APBB2: variants seen among roughly 807,000 people sequenced by gnomAD.
APBB2 encodes amyloid beta precursor protein binding family B member 2.
A neutral mutation model predicts 82.5 loss-of-function variants in APBB2; 38 were observed. That is an observed-to-expected ratio of 0.46 (90% CI 0.36 to 0.60). APBB2 has a LOEUF of 0.60. Ranked by LOEUF, APBB2 falls within the 20% of genes least tolerant of loss-of-function variation. The probability of loss-of-function intolerance (pLI) is 0.00; values close to 1 mark genes in which losing one functional copy is unlikely to be tolerated. For synonymous variants in APBB2, 341 were observed against 368.2 expected (o/e 0.93, Z 0.85); for missense variants, 772 against 972.3 (o/e 0.79, Z 2.74).
chr4:41,100,325 A>G (rs1485171012), intron 3 of APBB2, among the ~76,000 whole-genome samples: 1 of 152,252 alleles, frequency 6.6e-6, no homozygotes, highest in Non-Finnish European at 1.5e-5. Context: ...CTTTTCTGTC[A>G]CATCATATTA....
chr4:41,075,854 T>C (rs888720918), intron 3 of APBB2, among the ~76,000 whole-genome samples: 5 of 152,100 alleles, frequency 3.3e-5, no homozygotes, highest in African/African-American at 1.2e-4. Flanking sequence ...ACAGTGAGAG[T>C]AATAATCTCT....
intron 1 of APBB2, among the ~76,000 whole-genome samples, chr4:41,184,775 C>A (rs1426838361): frequency 1.3e-5 from 2 of 152,206 alleles, no homozygotes; most frequent in Non-Finnish European, 2.9e-5. Flanking sequence ...TGCCTGAGGT[C>A]ACATCCTTCC....
intron 12 of APBB2, among the ~76,000 whole-genome samples, chr4:40,873,235 A>T (rs1213148318): frequency 6.6e-6 from 1 of 152,156 alleles, no homozygotes; most frequent in African/African-American, 2.4e-5. Context: ...ATTAGAAGTG[A>T]CCCAAGATTT....
chr4:40,982,363 G>A (rs1255710933), intron 6 of APBB2, among the ~76,000 whole-genome samples: 1 of 15,892 alleles, frequency 6.3e-5, no homozygotes, highest in South Asian at 2.6e-3. Context: ...AGGAAGGAAG[G>A]AAGGAAGGAA....
chr4:41,089,049 TTAAC>T (rs1740828018), intron 3 of APBB2, among the ~76,000 whole-genome samples: 1 of 152,164 alleles, frequency 6.6e-6, no homozygotes, highest in Non-Finnish European at 1.5e-5. Flanking sequence ...GGGCATTAAT[TTAAC>T]TAAGAGATCC....
At chr4:40,991,783 T>C (rs565722206) in intron 6 of APBB2, among the ~76,000 whole-genome samples, 3 of 152,152 alleles carry the variant, frequency 2.0e-5, no homozygotes, top group East Asian at 3.9e-4. Flanking sequence ...TTTTCTAGGA[T>C]TTTTTTTAGA....
chr4:40,976,249 G>GA (rs1265522625), intron 6 of APBB2, among the ~76,000 whole-genome samples: 1 of 152,000 alleles, frequency 6.6e-6, no homozygotes, highest in African/African-American at 2.4e-5. Flanking sequence ...ATTTAGACAT[G>GA]AAAAAAACCA....
chr4:40,851,176 A>G (rs1043443096), intron 12 of APBB2, among the ~76,000 whole-genome samples: 3 of 152,230 alleles, frequency 2.0e-5, no homozygotes, highest in African/African-American at 7.2e-5. Flanking sequence ...CAACTGGCTG[A>G]GATGGTAGAA....
chr4:40,940,171 A>G (rs1489989807), intron 7 of APBB2, among the ~76,000 whole-genome samples: 3 of 152,168 alleles, frequency 2.0e-5, no homozygotes, highest in Non-Finnish European at 4.4e-5. Context: ...CAACACTACA[A>G]TGGGACATGA....
chr4:40,955,793 TGA>T (rs1791477330), intron 6 of APBB2, among the ~76,000 whole-genome samples: 1 of 151,996 alleles, frequency 6.6e-6, no homozygotes, highest in African/African-American at 2.4e-5. Flanking sequence ...TTTTTTTCTT[TGA>T]GATGAAGTTT....
At chr4:40,954,326 G>A (rs1578716570) in intron 6 of APBB2, among the ~76,000 whole-genome samples, 2 of 152,130 alleles carry the variant, frequency 1.3e-5, no homozygotes, top group African/African-American at 2.4e-5. Context: ...GAAGGCAATC[G>A]CTCCCTTCCC....
rs981574417 is a variant in APBB2, at chr4:41,165,310, A to G, written c.-416-22168T>C. Among the ~76,000 whole-genome samples, 7 of 152,296 alleles carry G rather than the reference A, an allele frequency of 4.6e-5. No individual in the cohort carries two copies. In the South Asian group the frequency reaches 6.2e-4, roughly 14 times the overall value. ...TCTGATCCTCCAACACAAATTGGGC[A>G]TCTTACCATCCAATGCTACTCTCAC... On this transcript the variant is annotated intron_variant, in intron 1 of 17. Coordinates refer to ENST00000508593, the MANE Select transcript of APBB2 (RefSeq NM_004307.2).
intron 7 of APBB2, among the ~76,000 whole-genome samples, chr4:40,938,608 G>A (rs1785986032): frequency 6.6e-6 from 1 of 152,152 alleles, no homozygotes; most frequent in African/African-American, 2.4e-5. Context: ...AGTCTCAGGG[G>A]CTGGGTATGT....
rs115457775 is a variant in APBB2, at chr4:41,162,746, T to G, written c.-416-19604A>C. Among the ~76,000 whole-genome samples, 1,453 of 152,202 alleles carry G rather than the reference T, an allele frequency of 9.5e-3. 32 individuals are homozygous for G. Among genetic ancestry groups the G allele is most frequent in the African/African-American group, 0.034 (1,398 of 41,524 alleles). On this transcript the variant is annotated intron_variant, in intron 1 of 17. Transcript: ENST00000508593. ...TGGCATACACCTGCGGTCCCAGCAC[T>G]CAGGAGGCTGAGGTGGGAGGACGGC...
chr4:41,016,665 G>GA (rs1217469554), intron 5 of APBB2, among the ~76,000 whole-genome samples: 104 of 148,864 alleles, frequency 7.0e-4, no homozygotes, highest in African/African-American at 2.5e-3. Flanking sequence ...AAACAAAAAA[G>GA]AAAAAAAAAG....
chr4:41,204,798 G>T (rs1210933749), intron 1 of APBB2, among the ~76,000 whole-genome samples: 1 of 152,200 alleles, frequency 6.6e-6, no homozygotes, highest in Non-Finnish European at 1.5e-5. Flanking sequence ...TCATTCAGGG[G>T]AGAGATGACT....
At chr4:40,822,397 C>G (rs1222128282) in intron 16 of APBB2, 4 of 190,866 alleles carry the variant, frequency 2.1e-5, no homozygotes, top group Non-Finnish European at 4.3e-5. Flanking sequence ...GGCCCAAAAC[C>G]CATTTGGCCA....
At chr4:41,094,360 C>A (rs1250964991) in intron 3 of APBB2, among the ~76,000 whole-genome samples, 1 of 152,196 alleles carries the variant, frequency 6.6e-6, no homozygotes, top group Non-Finnish European at 1.5e-5. Flanking sequence ...TCTTTGACAG[C>A]AAGTCACAAA....
chr4:41,180,592 G>T (rs1341901727), intron 1 of APBB2, among the ~76,000 whole-genome samples: 1 of 152,118 alleles, frequency 6.6e-6, no homozygotes, highest in African/African-American at 2.4e-5. Context: ...AGGCTGCAGT[G>T]AGCTATGATC....
Sources: gnomAD v4.1 joint callset for allele counts (sites outside exome capture counted in the v4.1 genomes callset) on GRCh38, gnomAD v4.1.1 for gene constraint, MANE v1.5 for transcripts, NCBI Gene and HGNC (gene_info 2026-07-23, HGNC 2026-07-21) for gene names.